The following KHDRBS2 variants were observed in gnomAD, a reference collection of about 807,000 sequenced individuals.
The protein encoded by KHDRBS2 is KH domain-containing, RNA-binding, signal transduction-associated protein 2.
A neutral mutation model predicts 44.3 loss-of-function variants in KHDRBS2; 26 were observed. That is an observed-to-expected ratio of 0.59 (90% CI 0.43 to 0.81). The LOEUF (loss-of-function observed/expected upper bound fraction) is 0.81, where lower values mean the gene tolerates loss of function less well. KHDRBS2 is among the 40% of genes least tolerant of loss of function. The pLI is 0.00. For missense variants in KHDRBS2, 476 were observed against 433.1 expected (o/e 1.10, Z -0.88); for synonymous variants, 194 against 151.1 (o/e 1.28, Z -2.08).
chr6:61,581,284 T>C, the KHDRBS2 span, among the ~76,000 whole-genome samples: 1 of 152,180 alleles, frequency 6.6e-6, no homozygotes, highest in African/African-American at 2.4e-5. Context: ...TTTTTTTCTG[T>C]GATTTGGTGG....
intron 1 of KHDRBS2, among the ~76,000 whole-genome samples, chr6:62,279,715 T>C (rs1841529042): frequency 6.6e-6 from 1 of 152,116 alleles, no homozygotes; most frequent in African/African-American, 2.4e-5. Context: ...TGAAGATAAA[T>C]TATAATCATG....
chr6:61,555,581 T>C, the KHDRBS2 span, among the ~76,000 whole-genome samples: 37 of 152,352 alleles, frequency 2.4e-4, no homozygotes, highest in South Asian at 7.0e-3. Context: ...AAGGAGACAC[T>C]CTTGCCTTTT....
chr6:62,235,102 A>T (rs111385859), intron 1 of KHDRBS2, among the ~76,000 whole-genome samples: 1 of 148,404 alleles, frequency 6.7e-6, no homozygotes, highest in East Asian at 1.9e-4. Context: ...AGCCAGCTCA[A>T]AATAAGGAAA....
chr6:61,743,120 C>T (rs1017139931), intron 6 of KHDRBS2, among the ~76,000 whole-genome samples: 2 of 151,922 alleles, frequency 1.3e-5, no homozygotes, highest in Non-Finnish European at 2.9e-5. Context: ...AAGAGACATA[C>T]GTGGAAGTTG....
chr6:61,582,470 A>C, the KHDRBS2 span, among the ~76,000 whole-genome samples: 3 of 151,818 alleles, frequency 2.0e-5, no homozygotes, highest in African/African-American at 7.2e-5. Flanking sequence ...AGATGACTAA[A>C]ATAGTGTTCA....
chr6:62,168,503 G>A (rs1212705935), intron 2 of KHDRBS2, among the ~76,000 whole-genome samples: 2 of 152,120 alleles, frequency 1.3e-5, no homozygotes, highest in African/African-American at 4.8e-5. Flanking sequence ...ACCCAGACAT[G>A]TGCCAAGCAT....
chr6:61,597,057 A>G, the KHDRBS2 span, among the ~76,000 whole-genome samples: 3 of 152,204 alleles, frequency 2.0e-5, no homozygotes, highest in African/African-American at 7.2e-5. Flanking sequence ...AAGACAAAGA[A>G]CGGCATAGGT....
At chr6:61,594,790 G>C in the KHDRBS2 span, among the ~76,000 whole-genome samples, 2 of 152,036 alleles carry the variant, frequency 1.3e-5, no homozygotes, top group Admixed American at 1.3e-4. Context: ...CCCAAAGTAA[G>C]TTTGAGGTCA....
intron 2 of KHDRBS2, among the ~76,000 whole-genome samples, chr6:62,138,988 C>T (rs1430512447): frequency 6.6e-6 from 1 of 152,092 alleles, no homozygotes; most frequent in Non-Finnish European, 1.5e-5. Context: ...TTGCAATCCA[C>T]TTTTCCTTTA....
chr6:62,117,967 G>T (rs1411029675), intron 2 of KHDRBS2, among the ~76,000 whole-genome samples: 1 of 151,998 alleles, frequency 6.6e-6, no homozygotes, highest in Non-Finnish European at 1.5e-5. Flanking sequence ...GTAGAGATGG[G>T]GTTTCCCAAC....
the KHDRBS2 span, among the ~76,000 whole-genome samples, chr6:61,571,723 C>T: frequency 6.6e-6 from 1 of 152,022 alleles, no homozygotes; most frequent in African/African-American, 2.4e-5. Context: ...CCTCTCAGAC[C>T]ACAGTGGAAT....
chr6:61,721,087 G>A (rs1772418980), intron 7 of KHDRBS2, among the ~76,000 whole-genome samples: 1 of 151,750 alleles, frequency 6.6e-6, no homozygotes, highest in Admixed American at 6.6e-5. Context: ...TCAGATAGTT[G>A]TGGATATGCG....
intron 2 of KHDRBS2, among the ~76,000 whole-genome samples, chr6:62,072,743 C>T (rs1459049096): frequency 6.6e-6 from 1 of 152,074 alleles, no homozygotes; most frequent in Non-Finnish European, 1.5e-5. Context: ...TTCGGTTTGC[C>T]ATTATTTTAT....
chr6:62,247,474 T>C (rs1045120192), intron 1 of KHDRBS2, among the ~76,000 whole-genome samples: 2 of 152,034 alleles, frequency 1.3e-5, no homozygotes, highest in African/African-American at 4.8e-5. Context: ...TTTTCAGAAT[T>C]GTACTAAAGT....
At chr6:61,593,464 T>A in the KHDRBS2 span, among the ~76,000 whole-genome samples, 1 of 109,298 alleles carries the variant, frequency 9.1e-6, no homozygotes, top group Non-Finnish European at 1.9e-5. Context: ...TCATTACAAA[T>A]GTACTATAGG....
At chr6:62,103,638 C>A (rs907338161) in intron 2 of KHDRBS2, among the ~76,000 whole-genome samples, 1 of 150,880 alleles carries the variant, frequency 6.6e-6, no homozygotes, top group Non-Finnish European at 1.5e-5. Context: ...GGCTTCCACC[C>A]CAACAATGGG....
rs371379429 is a variant in KHDRBS2 at position 62,051,626 on chromosome 6, A to G, written c.220-3632T>C. On this transcript the variant is annotated intron_variant, in intron 2 of 8. Transcript: ENST00000281156. ...AAAAGCTCAAGCCACAAAAGCAAAA[A>G]CAAATAAACGGGACTACATTAAACT... Among the ~76,000 whole-genome samples the G allele has an allele frequency of 5.9e-5, 9 of 152,176 alleles. No individual in the cohort carries two copies. In the East Asian group the frequency reaches 1.4e-3, roughly 23 times the overall value.
the KHDRBS2 span, chr6:61,661,512 A>G: frequency 6.6e-6 from 1 of 151,902 alleles, no homozygotes; most frequent in African/African-American, 2.4e-5. Flanking sequence ...AATAAACTAA[A>G]TTATCCATCC....
intron 2 of KHDRBS2, among the ~76,000 whole-genome samples, chr6:62,169,059 A>ATATATATATATATG (rs1338584117): frequency 2.9e-4 from 41 of 139,610 alleles, no homozygotes; most frequent in South Asian, 6.8e-4. Context: ...ATATATATAT[A>ATATATATATATATG]TATGTATACA....
Sources: gnomAD v4.1 joint callset for allele counts (sites outside exome capture counted in the v4.1 genomes callset) on GRCh38, gnomAD v4.1.1 for gene constraint, MANE v1.5 for transcripts, NCBI Gene and HGNC (gene_info 2026-07-23, HGNC 2026-07-21) for gene names.